RIMKLB: variants seen among roughly 807,000 people sequenced by gnomAD.
RIMKLB encodes beta-citrylglutamate synthase B.
A neutral mutation model predicts 32.0 loss-of-function variants in RIMKLB; 7 were observed. The ratio of observed to expected loss-of-function variants is 0.22; its 90% CI spans 0.12 to 0.41. RIMKLB has a LOEUF of 0.41. Among genes scored for constraint, RIMKLB ranks in the 10% least tolerant of loss-of-function variants. RIMKLB has a pLI of 1.00. For synonymous variants in RIMKLB, 172 were observed against 185.1 expected (o/e 0.93, Z 0.57); for missense variants, 289 against 498.7 (o/e 0.58, Z 4.00).
chr12:8,723,429 A>G (rs755106322), intron 2 of RIMKLB, among the ~76,000 whole-genome samples: 2 of 152,328 alleles, frequency 1.3e-5, no homozygotes, highest in Admixed American at 1.3e-4. Flanking sequence ...TATGATCAAA[A>G]TGGAAGTTTG....
chr12:8,677,732 C>T (rs189077342), upstream of RIMKLB, among the ~76,000 whole-genome samples: 1 of 151,524 alleles, frequency 6.6e-6, no homozygotes, highest in Admixed American at 6.6e-5. Context: ...AACCCACCCA[C>T]CCCAGAACCT....
chr12:8,692,622 C>G (rs1942764273), upstream of RIMKLB, among the ~76,000 whole-genome samples: 1 of 152,206 alleles, frequency 6.6e-6, no homozygotes, highest in Admixed American at 6.5e-5. Context: ...TCTTTCTCTT[C>G]TGTGATTCAG....
At chr12:8,734,778 A>G (rs1209124291) in intron 2 of RIMKLB, among the ~76,000 whole-genome samples, 1 of 152,020 alleles carries the variant, frequency 6.6e-6, no homozygotes, top group Admixed American at 6.5e-5. Flanking sequence ...TGTATTCCAA[A>G]TTATTTTATA....
chr12:8,714,071 A>T, intron 2 of RIMKLB, 30 bp downstream of exon 2: 1 of 1,588,276 alleles, frequency 6.3e-7, no homozygotes, highest in Non-Finnish European at 8.6e-7. Flanking sequence ...GATCTTTTGG[A>T]TTTTTACCTA....
upstream of RIMKLB, chr12:8,697,402 G>T (rs1203719192): frequency 6.5e-6 from 1 of 152,912 alleles, no homozygotes; most frequent in Non-Finnish European, 1.5e-5. Context: ...GAGACTCCGG[G>T]CGGCGGCCGG....
At chr12:8,674,761 G>A in the RIMKLB span, among the ~76,000 whole-genome samples, 1 of 152,164 alleles carries the variant, frequency 6.6e-6, no homozygotes, top group East Asian at 1.9e-4. Flanking sequence ...TGTTGGCCAG[G>A]CTGGTCTCGA....
chr12:8,780,430 GTTT>G (rs1950965162), downstream of RIMKLB: 1 of 152,056 alleles, frequency 6.6e-6, no homozygotes, highest in Non-Finnish European at 1.5e-5. Context: ...TGAGATTTTT[GTTT>G]TTTATTTTTG....
chr12:8,671,502 G>A, the RIMKLB span, among the ~76,000 whole-genome samples: 10 of 152,022 alleles, frequency 6.6e-5, no homozygotes, highest in African/African-American at 1.9e-4. Flanking sequence ...TGCCCGCCTC[G>A]GCCTTCCAGC....
intron 2 of RIMKLB, among the ~76,000 whole-genome samples, chr12:8,717,186 TAAAC>T (rs1944948933): frequency 6.6e-6 from 1 of 152,042 alleles, no homozygotes; most frequent in African/African-American, 2.4e-5. Context: ...TGGAGAAACT[TAAAC>T]AAATTGGGAT....
chr12:8,777,795 G>GCCTA (rs1950820770), downstream of RIMKLB: 2 of 743,044 alleles, frequency 2.7e-6, no homozygotes, highest in South Asian at 7.9e-5. Context: ...GCCCCAGTCT[G>GCCTA]CCTACAGGTA....
At chr12:8,746,980 A>G (rs1374336886) in intron 2 of RIMKLB, among the ~76,000 whole-genome samples, 1 of 152,058 alleles carries the variant, frequency 6.6e-6, no homozygotes, top group African/African-American at 2.4e-5. Context: ...ATCTCAAGCA[A>G]TCCTTTTCCC....
chr12:8,695,162 C>A (rs12582474), upstream of RIMKLB, among the ~76,000 whole-genome samples: 438 of 152,170 alleles, frequency 2.9e-3, 21 homozygotes, highest in East Asian at 0.067. Context: ...AGTATGTCTT[C>A]CCAGGGGATT....
At chr12:8,730,612 T>G (rs1020381459) in intron 2 of RIMKLB, among the ~76,000 whole-genome samples, 4 of 152,180 alleles carry the variant, frequency 2.6e-5, no homozygotes, top group African/African-American at 9.7e-5. Context: ...CCCTACACCC[T>G]CCAATTTTAC....
intron 1 of RIMKLB, among the ~76,000 whole-genome samples, chr12:8,703,662 C>T (rs1164215069): frequency 6.6e-6 from 1 of 152,104 alleles, no homozygotes; most frequent in East Asian, 1.9e-4. Flanking sequence ...TCAAGCAATC[C>T]TTTTGCTTCA....
chr12:8,760,299 T>A (rs1220651670), intron 5 of RIMKLB, among the ~76,000 whole-genome samples: 3 of 152,376 alleles, frequency 2.0e-5, no homozygotes, highest in East Asian at 3.9e-4. Flanking sequence ...CTACATAGTA[T>A]TCCATGGTGT....
intron 2 of RIMKLB, among the ~76,000 whole-genome samples, chr12:8,748,519 CGTGT>C (rs58187682): frequency 0.011 from 1,392 of 131,272 alleles, 8 homozygotes; most frequent in Non-Finnish European, 0.011. Context: ...TGGGATTATT[CGTGT>C]GTGTGTGTGT....
intron 1 of RIMKLB, among the ~76,000 whole-genome samples, chr12:8,710,680 G>C (rs1051296123): frequency 4.6e-5 from 7 of 152,036 alleles, no homozygotes; most frequent in African/African-American, 1.4e-4. Flanking sequence ...GAATCATCGG[G>C]AACACTGTTG....
chr12:8,756,684 CTTTT>C (rs145312687), intron 5 of RIMKLB, among the ~76,000 whole-genome samples: 1,132 of 90,976 alleles, frequency 0.012, 5 homozygotes, highest in African/African-American at 0.046. Flanking sequence ...TTACTTTCTA[CTTTT>C]TTTTTTTTTT....
upstream of RIMKLB, chr12:8,697,689 T>C: frequency 1.0e-5 from 3 of 300,702 alleles, no homozygotes; most frequent in Admixed American, 3.4e-5. Flanking sequence ...CCCTTTTCGC[T>C]CCCCGCGCGC....
Sources: gnomAD v4.1 joint callset for allele counts (sites outside exome capture counted in the v4.1 genomes callset) on GRCh38, gnomAD v4.1.1 for gene constraint, MANE v1.5 for transcripts, NCBI Gene and HGNC (gene_info 2026-07-23, HGNC 2026-07-21) for gene names.